Variants in SMIM21 observed in about 807,000 individuals in gnomAD.
SMIM21 encodes chromosome 18 open reading frame 62.
A neutral mutation model predicts 8.6 loss-of-function variants in SMIM21; 8 were observed. The ratio of observed to expected loss-of-function variants is 0.93; its 90% CI spans 0.55 to 1.68. SMIM21 has a LOEUF of 1.68. Ranked by LOEUF, SMIM21 falls within the 40% of genes most tolerant of loss-of-function variation. The probability of loss-of-function intolerance (pLI) is 0.00; values close to 1 mark genes in which losing one functional copy is unlikely to be tolerated. For missense variants in SMIM21, 132 were observed against 123.0 expected (o/e 1.07, Z -0.35); for synonymous variants, 43 against 41.7 (o/e 1.03, Z -0.12).
In SMIM21 at chr18:75,412,163, C is replaced by G. The variant is rs1345419227; in HGVS notation, c.261-1254G>C. ...CACTGTTCTGACCTCTGGCCTTCAA[C>G]AGATGAAGCCCAAATTCTCCAAGAG... On this transcript the variant is annotated intron_variant, in intron 2 of 2. Coordinates refer to ENST00000579022, the MANE Select transcript of SMIM21 (RefSeq NM_001037331.3). Among the ~76,000 whole-genome samples, 3 of 152,180 alleles carry G rather than the reference C, an allele frequency of 2.0e-5. No individual in the cohort carries two copies. In the East Asian group the frequency reaches 5.8e-4, roughly 29 times the overall value.
intron 2 of SMIM21, among the ~76,000 whole-genome samples, chr18:75,411,987 T>C (rs760560403): frequency 2.0e-5 from 3 of 152,152 alleles, no homozygotes; most frequent in Non-Finnish European, 4.4e-5. Flanking sequence ...AGCAAATATA[T>C]AGATGAAGGT....
At chr18:75,423,216 G>C (rs1022679367) in intron 1 of SMIM21, among the ~76,000 whole-genome samples, 1 of 152,196 alleles carries the variant, frequency 6.6e-6, no homozygotes, top group East Asian at 1.9e-4. Context: ...TCTGGTGAGG[G>C]TTCAAGGTTG....
intron 2 of SMIM21, among the ~76,000 whole-genome samples, chr18:75,415,574 C>T (rs1174024857): frequency 6.6e-6 from 1 of 152,218 alleles, no homozygotes; most frequent in Non-Finnish European, 1.5e-5. Context: ...AAGCTCTTAG[C>T]TGCACACAAA....
chr18:75,427,557 G>T lies in SMIM21; in HGVS notation c.7C>A (p.Gln3Lys), dbSNP rs1222210444. Residue 3 changes from glutamine (Q) to lysine (K), a missense_variant, in exon 1 of 3, where the codon CAG becomes AAG. Transcript: ENST00000579022. Reference sequence around the variant, plus strand: ...CGGGGAGGAGCTGTGGACACATACTGGTCCATGTGGGGGCTGCGGCGGTGA... The same window carrying T: ...CGGGGAGGAGCTGTGGACACATACTTGTCCATGTGGGGGCTGCGGCGGTGA... MD[Q>K]YVSTAPPRFP... 3 of 1,608,436 alleles carry T rather than the reference G, an allele frequency of 1.9e-6. No individual in the cohort carries two copies. Among genetic ancestry groups the T allele is most frequent in the Non-Finnish European group, 1.7e-6 (2 of 1,177,308 alleles).
Position 75,422,308 on chromosome 18 carries a change from C to A in SMIM21, c.130-3392G>T, listed in dbSNP as rs780692870. Among the ~76,000 whole-genome samples, 16 of 151,956 alleles carry A rather than the reference C, an allele frequency of 1.1e-4. No homozygotes were observed. In the East Asian group the frequency reaches 2.7e-3, roughly 26 times the overall value. On this transcript the variant is annotated intron_variant, in intron 1 of 2. Coordinates refer to ENST00000579022, the MANE Select transcript of SMIM21 (RefSeq NM_001037331.3). Reference sequence around the variant, plus strand: ...AGATTGTGTCATCTGAGTCACTGAACGTCTTTCGCAGGGCTTTGCATCAAC... The same window carrying A: ...AGATTGTGTCATCTGAGTCACTGAAAGTCTTTCGCAGGGCTTTGCATCAAC...
At position 75,410,725 on chromosome 18, in the gene SMIM21, A is replaced by C. The variant is rs1355053820; in HGVS notation, c.*139T>G. The C allele has an allele frequency of 2.0e-6, 3 of 1,474,908 alleles. No homozygotes were observed. The highest frequency in any genetic ancestry group is 2.8e-5 in the African/African-American group (2 of 70,240). 91.4% of individuals were successfully genotyped at this position (1,474,908 alleles called of 1,614,324 possible). ...CATTGCAAAAAGTTACACGTTCTTC[A>C]TTCTCTCTGTGGAGCTCCTTTTAAA... On this transcript the variant is annotated 3_prime_UTR_variant, in exon 3 of 3. Coordinates refer to ENST00000579022, the MANE Select transcript of SMIM21 (RefSeq NM_001037331.3).
intron 2 of SMIM21, among the ~76,000 whole-genome samples, chr18:75,413,853 A>G (rs912281155): frequency 5.3e-5 from 8 of 152,304 alleles, no homozygotes; most frequent in South Asian, 4.1e-4. Flanking sequence ...TGCTTAGAAC[A>G]GGGATGAATA....
chr18:75,423,933 C>T (rs1157031668), intron 1 of SMIM21, among the ~76,000 whole-genome samples: 1 of 152,166 alleles, frequency 6.6e-6, no homozygotes, highest in East Asian at 1.9e-4. Context: ...GGAATGGAGG[C>T]AGAACACAGT....
intron 1 of SMIM21, among the ~76,000 whole-genome samples, chr18:75,423,351 G>T (rs896412551): frequency 2.0e-5 from 3 of 152,230 alleles, no homozygotes; most frequent in Non-Finnish European, 2.9e-5. Context: ...GTAAAAAGAG[G>T]CTTTACTGAT....
chr18:75,427,166 A>G (rs1056463042), intron 1 of SMIM21, among the ~76,000 whole-genome samples: 2 of 152,164 alleles, frequency 1.3e-5, no homozygotes, highest in Non-Finnish European at 2.9e-5. Context: ...ATTGGCCTGT[A>G]TACTGATGTA....
Position 75,410,890 on chromosome 18 carries a change from A to C in SMIM21, c.280T>G (p.Ser94Ala). The C allele has an allele frequency of 6.2e-7, 1 of 1,614,210 alleles. No homozygotes were observed. Among genetic ancestry groups the C allele is most frequent in the Non-Finnish European group, 8.5e-7 (1 of 1,180,038 alleles). The change falls in exon 3 of 3, where the codon TCC becomes GCC. Residue 94 changes from serine to alanine, a missense_variant. Coordinates refer to ENST00000579022, the MANE Select transcript of SMIM21 (RefSeq NM_001037331.3). ...TATTCTGCTTCTGCTGTGTTCCTGG[A>C]TGACTTCAAACGTAGAAAGCTGCAA... The part of the protein sequence containing the change: ...IFRNFLRLKS[S>A]RNTAEAE
intron 2 of SMIM21, chr18:75,417,134 G>T (rs1272238214): frequency 6.6e-6 from 1 of 152,210 alleles, no homozygotes; most frequent in African/African-American, 2.4e-5. Context: ...GCATTTGCAT[G>T]CGGACAGCAT....
At chr18:75,423,927 T>G (rs756427508) in intron 1 of SMIM21, among the ~76,000 whole-genome samples, 2 of 152,220 alleles carry the variant, frequency 1.3e-5, no homozygotes, top group Non-Finnish European at 2.9e-5. Flanking sequence ...GTTTTTGGAA[T>G]GGAGGCAGAA....
At chr18:75,418,220 G>T (rs1321187455) in intron 2 of SMIM21, 3 of 398,366 alleles carry the variant, frequency 7.5e-6, no homozygotes, top group Non-Finnish European at 4.4e-6. Context: ...AAATTAATAT[G>T]CCTTCCAGTT....
intron 2 of SMIM21, among the ~76,000 whole-genome samples, chr18:75,414,116 C>T (rs1293212140): frequency 2.2e-4 from 31 of 142,770 alleles, no homozygotes; most frequent in African/African-American, 4.0e-4. Context: ...CACACACACA[C>T]ACACATACAC....
chr18:75,413,544 T>C (rs1301100302), intron 2 of SMIM21, among the ~76,000 whole-genome samples: 1 of 152,212 alleles, frequency 6.6e-6, no homozygotes, highest in East Asian at 1.9e-4. Context: ...ATGATTCCCA[T>C]TGCTCTTAGG....
chr18:75,414,802 A>G (rs1344347848), intron 2 of SMIM21, among the ~76,000 whole-genome samples: 1 of 152,018 alleles, frequency 6.6e-6, no homozygotes, highest in Non-Finnish European at 1.5e-5. Flanking sequence ...GTGGTTTTGG[A>G]CCCTTTGAAC....
At chr18:75,414,406 G>A (rs935414086) in intron 2 of SMIM21, among the ~76,000 whole-genome samples, 36 of 152,202 alleles carry the variant, frequency 2.4e-4, no homozygotes, top group African/African-American at 8.7e-4. Flanking sequence ...CTGCTCCATT[G>A]ACTGCTGAAA....
chr18:75,424,341 T>C (rs1375764421), intron 1 of SMIM21, among the ~76,000 whole-genome samples: 1 of 152,256 alleles, frequency 6.6e-6, no homozygotes, highest in Non-Finnish European at 1.5e-5. Context: ...ATTTTATGAT[T>C]GCACATACAA....
Sources: gnomAD v4.1 joint callset for allele counts (sites outside exome capture counted in the v4.1 genomes callset) on GRCh38, gnomAD v4.1.1 for gene constraint, MANE v1.5 for transcripts, NCBI Gene and HGNC (gene_info 2026-07-23, HGNC 2026-07-21) for gene names.